DDR2: variants seen among roughly 807,000 people sequenced by gnomAD.
The protein encoded by DDR2 is discoidin domain-containing receptor 2.
In DDR2, 27 loss-of-function variants were observed where a neutral mutation model predicts 94.9. That is an observed-to-expected ratio of 0.28 (90% confidence interval 0.21 to 0.39). The LOEUF (loss-of-function observed/expected upper bound fraction) is 0.39, where lower values mean the gene tolerates loss of function less well. Ranked by LOEUF, DDR2 falls within the 10% of genes least tolerant of loss-of-function variation. DDR2 has a pLI of 1.00. For synonymous variants in DDR2, 382 were observed against 377.2 expected (o/e 1.01, Z -0.15); for missense variants, 783 against 1,076.0 (o/e 0.73, Z 3.81).
chr1:162,646,584 C>T (rs1447357958), intron 1 of DDR2, among the ~76,000 whole-genome samples: 1 of 152,142 alleles, frequency 6.6e-6, no homozygotes, highest in Admixed American at 6.5e-5. Context: ...CATTGCAACG[C>T]CCAAGCCTTA....
At chr1:162,706,204 C>T (rs1459509999) in intron 2 of DDR2, among the ~76,000 whole-genome samples, 1 of 152,176 alleles carries the variant, frequency 6.6e-6, no homozygotes, top group Non-Finnish European at 1.5e-5. Flanking sequence ...CATTCCTGGA[C>T]ACTGCAGAGC....
intron 9 of DDR2, among the ~76,000 whole-genome samples, chr1:162,761,741 C>T (rs999266470): frequency 1.2e-4 from 19 of 152,020 alleles, no homozygotes; most frequent in Admixed American, 9.2e-4. Context: ...TTAACGAGTG[C>T]GCTGTTAAGG....
chr1:162,640,287 C>A (rs1293152201), intron 1 of DDR2, among the ~76,000 whole-genome samples: 2 of 152,058 alleles, frequency 1.3e-5, no homozygotes, highest in Admixed American at 1.3e-4. Context: ...TGATCTGCCC[C>A]CCTCAGCCTC....
rs1338412920 is a variant in DDR2, at chr1:162,736,723, G to A, written c.83-16372G>A. The stretch of plus-strand genomic sequence containing the variant: ...AACTATGACACTATTTGCTTGCGAA[G>A]TGCATCCAGATTTCAGAGATGTCAG... On this transcript the variant is annotated intron_variant, in intron 3 of 17. Transcript: ENST00000367921. 2.0e-5 allele frequency among the ~76,000 whole-genome samples: 3 copies of A among 152,230 alleles called. No individual in the cohort carries two copies. In the East Asian group the frequency reaches 5.8e-4, roughly 29 times the overall value.
chr1:162,727,027 A>G (rs1391806261), intron 3 of DDR2, among the ~76,000 whole-genome samples: 1 of 147,664 alleles, frequency 6.8e-6, no homozygotes, highest in African/African-American at 2.5e-5. Context: ...AATATAATAT[A>G]TATGATAAAA....
intron 2 of DDR2, among the ~76,000 whole-genome samples, chr1:162,701,243 C>T (rs1405494108): frequency 6.6e-6 from 1 of 152,238 alleles, no homozygotes; most frequent in East Asian, 1.9e-4. Context: ...GACCTGACTT[C>T]TGAAGCTCAA....
At chr1:162,728,208 TTATA>T (rs1208497560) in intron 3 of DDR2, among the ~76,000 whole-genome samples, 10 of 144,200 alleles carry the variant, frequency 6.9e-5, no homozygotes, top group African/African-American at 2.6e-4. Context: ...AGATATATCT[TTATA>T]TATATATAGA....
intron 1 of DDR2, among the ~76,000 whole-genome samples, chr1:162,639,030 A>G (rs551705197): frequency 5.3e-5 from 8 of 152,010 alleles, no homozygotes; most frequent in East Asian, 1.9e-4. Flanking sequence ...CAGTGGCGCA[A>G]TCTCGGCTCA....
At chr1:162,668,138 A>G (rs1658671917) in intron 2 of DDR2, among the ~76,000 whole-genome samples, 1 of 152,162 alleles carries the variant, frequency 6.6e-6, no homozygotes, top group Admixed American at 6.5e-5. Context: ...GATAAATAAA[A>G]TTTTAATTCA....
chr1:162,687,156 G>A (rs142098316), intron 2 of DDR2, among the ~76,000 whole-genome samples: 45 of 152,292 alleles, frequency 3.0e-4, no homozygotes, highest in African/African-American at 1.0e-3. Context: ...GCCTCGCTGT[G>A]TTTCTATAAA....
chr1:162,740,633 A>G (rs1012943838), intron 3 of DDR2, among the ~76,000 whole-genome samples: 1 of 152,196 alleles, frequency 6.6e-6, no homozygotes, highest in Non-Finnish European at 1.5e-5. Context: ...AGCACTTGCC[A>G]TCTTCTCTCA....
At chr1:162,773,690 A>C (rs765761185) in intron 14 of DDR2, 94 bp downstream of exon 14, 1 of 1,557,400 alleles carries the variant, frequency 6.4e-7, no homozygotes, top group Non-Finnish European at 8.8e-7. Flanking sequence ...TTCTTTTGAG[A>C]TGGGAAGGTC....
chr1:162,691,470 A>T (rs545660620), intron 2 of DDR2, among the ~76,000 whole-genome samples: 1 of 152,308 alleles, frequency 6.6e-6, no homozygotes, highest in South Asian at 2.1e-4. Flanking sequence ...TGTTCAAAGA[A>T]TTTATTTATG....
At chr1:162,702,494 T>C (rs1660476040) in intron 2 of DDR2, among the ~76,000 whole-genome samples, 1 of 152,194 alleles carries the variant, frequency 6.6e-6, no homozygotes, top group Non-Finnish European at 1.5e-5. Flanking sequence ...CGACTCTGAG[T>C]ATAGGTCATT....
intron 2 of DDR2, among the ~76,000 whole-genome samples, chr1:162,691,020 C>A (rs546796038): frequency 6.6e-6 from 1 of 152,294 alleles, no homozygotes; most frequent in Non-Finnish European, 1.5e-5. Context: ...ACCTCTTTCC[C>A]CCCCAGGGTA....
intron 2 of DDR2, among the ~76,000 whole-genome samples, chr1:162,716,879 G>A (rs2102025587): frequency 6.6e-6 from 1 of 152,142 alleles, no homozygotes; most frequent in Admixed American, 6.5e-5. Flanking sequence ...AACCTGATCA[G>A]ATATTTATTT....
rs2271305 is a variant in DDR2 at position 162,754,846 on chromosome 1, T to C, written c.408T>C (p.His136=). 5.9e-3 allele frequency: 9,529 copies of C among 1,613,896 alleles called. 75 individuals carry two copies. Among genetic ancestry groups the C allele is most frequent in the East Asian group, 0.033 (1,463 of 44,858 alleles). ...GTRWISWRNR[H]GKQVLDGNSN... is the part of the protein sequence containing the mutation. ...GCTGGATCTCTTGGCGGAACCGTCA[T>C]GGGAAACAGGTAGGAAGAAGAGACA... The change falls in exon 5 of 18, where the codon CAT becomes CAC. Residue 136 remains histidine, a synonymous_variant. Coordinates refer to ENST00000367921, the MANE Select transcript of DDR2 (RefSeq NM_006182.4).
At chr1:162,649,503 G>C (rs896205993) in intron 1 of DDR2, among the ~76,000 whole-genome samples, 3 of 152,052 alleles carry the variant, frequency 2.0e-5, no homozygotes, top group Admixed American at 2.0e-4. Flanking sequence ...GTTTCCCCAG[G>C]GGTTATGTTC....
chr1:162,707,250 C>T (rs1660703834), intron 2 of DDR2, among the ~76,000 whole-genome samples: 1 of 152,202 alleles, frequency 6.6e-6, no homozygotes, highest in East Asian at 1.9e-4. Flanking sequence ...TGTCTCCATC[C>T]TGCTTCTTTT....
Sources: gnomAD v4.1 joint callset for allele counts (sites outside exome capture counted in the v4.1 genomes callset) on GRCh38, gnomAD v4.1.1 for gene constraint, MANE v1.5 for transcripts, NCBI Gene and HGNC (gene_info 2026-07-23, HGNC 2026-07-21) for gene names.